ADK: variants seen among roughly 807,000 people sequenced by gnomAD.
ADK encodes the protein N6,N6-dimethyladenosine kinase.
In ADK, 24 loss-of-function variants were observed where a neutral mutation model predicts 44.7. That is an observed-to-expected ratio of 0.54 (90% CI 0.39 to 0.76). The LOEUF (loss-of-function observed/expected upper bound fraction) is 0.76. ADK is among the 30% of genes least tolerant of loss of function. ADK has a pLI of 0.00. For missense variants in ADK, 321 were observed against 425.1 expected (o/e 0.76, Z 2.15); for synonymous variants, 128 against 142.6 (o/e 0.90, Z 0.73).
intron 1 of ADK, among the ~76,000 whole-genome samples, chr10:74,161,579 T>C (rs1223234389): frequency 1.3e-5 from 2 of 152,104 alleles, no homozygotes; most frequent in Non-Finnish European, 2.9e-5. Context: ...TTGCCCATGC[T>C]GGTCTTGCCT....
chr10:74,189,735 G>A (rs1462523774), intron 1 of ADK, among the ~76,000 whole-genome samples: 1 of 152,082 alleles, frequency 6.6e-6, no homozygotes, highest in Non-Finnish European at 1.5e-5. Flanking sequence ...ACCCATACCC[G>A]TTAGCAGTTA....
At chr10:74,650,474 ATTTACT>A (rs910347083) in intron 9 of ADK, among the ~76,000 whole-genome samples, 4 of 152,084 alleles carry the variant, frequency 2.6e-5, no homozygotes, top group Non-Finnish European at 5.9e-5. Flanking sequence ...CACATAGAAC[ATTTACT>A]TATATTATCT....
intron 7 of ADK, among the ~76,000 whole-genome samples, chr10:74,550,734 GA>G (rs1850005416): frequency 6.6e-6 from 1 of 152,108 alleles, no homozygotes; most frequent in Non-Finnish European, 1.5e-5. Flanking sequence ...GGTAGTTAAA[GA>G]ATATAGGCCT....
intron 9 of ADK, among the ~76,000 whole-genome samples, chr10:74,615,031 C>A (rs930670865): frequency 1.3e-5 from 2 of 152,178 alleles, no homozygotes; most frequent in Non-Finnish European, 1.5e-5. Context: ...AGCCTTCATT[C>A]TTCCTTTTGT....
chr10:74,451,067 C>CTTTTTTTTTTTTTT (rs35120068), intron 6 of ADK, among the ~76,000 whole-genome samples: 16 of 72,182 alleles, frequency 2.2e-4, no homozygotes, highest in African/African-American at 7.8e-4. Context: ...GCTCTGCTGC[C>CTTTTTTTTTTTTTT]TTTTTTTTTT....
At position 74,480,640 on chromosome 10, in the gene ADK, C is replaced by T. The variant is rs375742097; in HGVS notation, c.556-44616C>T. ...CTTACTCTTAATTTTATCTTTTTGCCTGTAGGCCTGAAAATACTGTTTCAT... is the reference window on the plus strand; with the variant it reads ...CTTACTCTTAATTTTATCTTTTTGCTTGTAGGCCTGAAAATACTGTTTCAT... On this transcript the variant is annotated intron_variant, in intron 6 of 10. Transcript: ENST00000539909. Among the ~76,000 whole-genome samples the T allele has an allele frequency of 2.3e-4, 35 of 152,110 alleles. 1 individual carries two copies. Among genetic ancestry groups the T allele is most frequent in the Middle Eastern group, 6.8e-3 (2 of 294 alleles).
chr10:74,512,910 CTCTGA>C (rs1848401550), intron 6 of ADK, among the ~76,000 whole-genome samples: 1 of 151,796 alleles, frequency 6.6e-6, no homozygotes, highest in Admixed American at 6.6e-5. Flanking sequence ...ATAAACTTGA[CTCTGA>C]ATACTGTTTT....
intron 7 of ADK, among the ~76,000 whole-genome samples, chr10:74,541,581 A>G (rs1274821456): frequency 6.6e-6 from 1 of 152,022 alleles, no homozygotes; most frequent in Admixed American, 6.6e-5. Flanking sequence ...TACATTTTTT[A>G]TAGGAATACC....
intron 6 of ADK, among the ~76,000 whole-genome samples, chr10:74,469,792 C>A (rs1846494917): frequency 6.6e-6 from 1 of 152,164 alleles, no homozygotes. Context: ...TTCCCCTTTG[C>A]CCCCTTCATA....
chr10:74,352,104 G>T (rs1189628090), intron 4 of ADK, among the ~76,000 whole-genome samples: 1 of 150,720 alleles, frequency 6.6e-6, no homozygotes, highest in Non-Finnish European at 1.5e-5. Context: ...CCAAAAAGGA[G>T]CCTGTGTAGC....
intron 2 of ADK, among the ~76,000 whole-genome samples, chr10:74,216,004 C>A (rs942903723): frequency 2.6e-5 from 4 of 152,044 alleles, no homozygotes; most frequent in Admixed American, 2.6e-4. Flanking sequence ...ATTTGATACC[C>A]CTTTTATTCA....
At chr10:74,196,579 C>G (rs548126972) in intron 1 of ADK, among the ~76,000 whole-genome samples, 94 of 152,096 alleles carry the variant, frequency 6.2e-4, no homozygotes, top group Admixed American at 2.7e-3. Context: ...TTCTATATTA[C>G]AGTTTTATAA....
intron 7 of ADK, among the ~76,000 whole-genome samples, chr10:74,548,151 T>C (rs16931492): frequency 0.045 from 6,844 of 152,288 alleles, 467 homozygotes; most frequent in African/African-American, 0.14. Context: ...AATTTTGGAT[T>C]GCTGTATAAT....
At chr10:74,443,879 A>G (rs1478899217) in intron 6 of ADK, among the ~76,000 whole-genome samples, 2 of 152,296 alleles carry the variant, frequency 1.3e-5, no homozygotes, top group African/African-American at 4.8e-5. Context: ...TATATAATGT[A>G]AAAGTGTTAT....
chr10:74,499,316 A>G (rs1847806400), intron 6 of ADK, among the ~76,000 whole-genome samples: 1 of 152,250 alleles, frequency 6.6e-6, no homozygotes, highest in African/African-American at 2.4e-5. Flanking sequence ...TGAGGACAAC[A>G]TAGTCTTCTG....
intron 1 of ADK, among the ~76,000 whole-genome samples, chr10:74,199,621 G>T (rs1361970240): frequency 6.6e-6 from 1 of 152,162 alleles, no homozygotes; most frequent in Middle Eastern, 3.4e-3. Flanking sequence ...CCATGTCTTT[G>T]CTATTGTGAA....
intron 1 of ADK, among the ~76,000 whole-genome samples, chr10:74,157,716 TAA>T (rs35499084): frequency 0.032 from 4,260 of 133,888 alleles, 213 homozygotes; most frequent in African/African-American, 0.11. Context: ...CCATCTTTAC[TAA>T]AAAAAAAAAA....
At chr10:74,388,205 C>T (rs1592138574) in intron 4 of ADK, among the ~76,000 whole-genome samples, 1 of 152,138 alleles carries the variant, frequency 6.6e-6, no homozygotes, top group Non-Finnish European at 1.5e-5. Flanking sequence ...CTGCACACGG[C>T]CTTGTTTGTC....
At chr10:74,390,842 G>C (rs1843305786) in intron 4 of ADK, among the ~76,000 whole-genome samples, 1 of 152,168 alleles carries the variant, frequency 6.6e-6, no homozygotes, top group Non-Finnish European at 1.5e-5. Context: ...GGCAATAATA[G>C]TACGTAAGTG....
Sources: gnomAD v4.1 joint callset for allele counts (sites outside exome capture counted in the v4.1 genomes callset) on GRCh38, gnomAD v4.1.1 for gene constraint, MANE v1.5 for transcripts, NCBI Gene and HGNC (gene_info 2026-07-23, HGNC 2026-07-21) for gene names.